Variants in CLVS1 observed in about 807,000 individuals in gnomAD.
CLVS1 encodes clavesin 1, also known as clavesin-1.
Under a neutral mutation model 33.1 loss-of-function variants are expected in CLVS1, and 10 were observed. The observed-to-expected ratio is 0.30, with a 90% confidence interval of 0.19 to 0.51. The LOEUF (loss-of-function observed/expected upper bound fraction) is 0.51, where lower values mean the gene tolerates loss of function less well. CLVS1 is among the 20% of genes least tolerant of loss of function. The pLI is 0.97. For synonymous variants in CLVS1, 163 were observed against 166.1 expected (o/e 0.98, Z 0.14); for missense variants, 343 against 433.4 (o/e 0.79, Z 1.85).
Position 61,398,983 on chromosome 8 carries a change from G to A in CLVS1, c.630+22204G>A, listed in dbSNP as rs775761713. Among the ~76,000 whole-genome samples, 12 of 152,188 alleles carry A rather than the reference G, an allele frequency of 7.9e-5. No homozygotes were observed. The South Asian group carries it at 8.3e-4, about 11-fold the overall frequency. On this transcript the variant is annotated intron_variant, in intron 3 of 5. Coordinates refer to ENST00000325897, the MANE Select transcript of CLVS1 (RefSeq NM_173519.3). ...GCATTTAGGTTGATTCCGTGTCTTT[G>A]CTATTGGGAATAGTGCTGCAGTGAA...
intron 5 of CLVS1, among the ~76,000 whole-genome samples, chr8:61,490,783 A>T (rs1026113743): frequency 1.3e-5 from 2 of 151,622 alleles, no homozygotes; most frequent in Admixed American, 6.6e-5. Flanking sequence ...ACATGGTGAA[A>T]CCCCGTCTCT....
chr8:61,001,696 T>A, the CLVS1 span, among the ~76,000 whole-genome samples: 1 of 152,376 alleles, frequency 6.6e-6, no homozygotes, highest in East Asian at 1.9e-4. Flanking sequence ...GCTTTCTGCA[T>A]CCTAATTCCT....
At chr8:61,103,071 C>T (rs745334475) in intron 1 of CLVS1, among the ~76,000 whole-genome samples, 38 of 151,932 alleles carry the variant, frequency 2.5e-4, no homozygotes, top group Non-Finnish European at 4.6e-4. Context: ...TTATGTAAGG[C>T]GGACAGCTTT....
chr8:61,071,243 G>C (rs558067281), intron 1 of CLVS1, among the ~76,000 whole-genome samples: 5 of 152,344 alleles, frequency 3.3e-5, no homozygotes, highest in South Asian at 2.1e-4. Flanking sequence ...CTGTAAGAAA[G>C]TATCTGACAG....
chr8:60,989,853 C>T, the CLVS1 span, among the ~76,000 whole-genome samples: 6 of 151,926 alleles, frequency 3.9e-5, no homozygotes, highest in Non-Finnish European at 7.4e-5. Context: ...AGGCTGGGTG[C>T]GGTGACTCAT....
Position 61,121,424 on chromosome 8 carries a change from T to C in CLVS1, c.-242-10346T>C, listed in dbSNP as rs371466764. 2.6e-4 allele frequency among the ~76,000 whole-genome samples: 39 copies of C among 152,312 alleles called. No individual in the cohort carries two copies. The East Asian group carries it at 7.3e-3, about 29-fold the overall frequency. On this transcript the variant is annotated intron_variant, in intron 1 of 2. Coordinates refer to the CLVS1 transcript ENST00000522621. ...CACCGGCAACTCTTATTTTTTCAAC[T>C]ATTGGATTTACTCTGTGTGTGTGTT... is the stretch of plus-strand genomic sequence containing the variant.
chr8:61,328,662 C>T (rs569551452), intron 2 of CLVS1, among the ~76,000 whole-genome samples: 22 of 152,282 alleles, frequency 1.4e-4, no homozygotes, highest in African/African-American at 5.3e-4. Flanking sequence ...CTTACAAGCC[C>T]TCTAGCATGC....
the CLVS1 span, among the ~76,000 whole-genome samples, chr8:61,045,985 T>C: frequency 1.3e-5 from 2 of 152,158 alleles, no homozygotes; most frequent in Non-Finnish European, 2.9e-5. Context: ...AGAAGCTCTT[T>C]AGTTTAATTA....
intron 2 of CLVS1, among the ~76,000 whole-genome samples, chr8:61,246,065 C>A (rs1442934172): frequency 6.6e-6 from 1 of 151,664 alleles, no homozygotes; most frequent in Non-Finnish European, 1.5e-5. Flanking sequence ...AGCTACTGCA[C>A]CCAGCACTGT....
At chr8:61,405,058 C>G (rs1022057419) in intron 3 of CLVS1, among the ~76,000 whole-genome samples, 1 of 152,180 alleles carries the variant, frequency 6.6e-6, no homozygotes. Context: ...CAACAATGCA[C>G]TGCTGAGTAT....
chr8:61,203,821 A>C (rs1807787910), intron 2 of CLVS1, among the ~76,000 whole-genome samples: 1 of 152,172 alleles, frequency 6.6e-6, no homozygotes, highest in Non-Finnish European at 1.5e-5. Context: ...ATCTCATATG[A>C]GAAGTTTAAT....
intron 2 of CLVS1, among the ~76,000 whole-genome samples, chr8:61,207,448 G>C (rs1807879064): frequency 9.0e-6 from 1 of 110,888 alleles, no homozygotes; most frequent in African/African-American, 4.1e-5. Context: ...GAAGTGCAGA[G>C]GTGACCCCAG....
chr8:61,217,468 A>G (rs924893211), intron 2 of CLVS1, among the ~76,000 whole-genome samples: 6 of 152,216 alleles, frequency 3.9e-5, no homozygotes, highest in East Asian at 3.8e-4. Flanking sequence ...TCAACTTGCC[A>G]TTTAGCTCCT....
chr8:61,174,907 T>G (rs1225733026), intron 2 of CLVS1, among the ~76,000 whole-genome samples: 2 of 152,150 alleles, frequency 1.3e-5, no homozygotes, highest in Non-Finnish European at 2.9e-5. Flanking sequence ...GGTCAAAAGG[T>G]CTTCTATTTT....
the CLVS1 span, among the ~76,000 whole-genome samples, chr8:61,029,543 A>T: frequency 6.6e-6 from 1 of 152,066 alleles, no homozygotes; most frequent in African/African-American, 2.4e-5. Flanking sequence ...GGACCTGCTA[A>T]CAGGGAGCCC....
At chr8:61,032,992 GGAAAGAA>G in the CLVS1 span, among the ~76,000 whole-genome samples, 1 of 44,804 alleles carries the variant, frequency 2.2e-5, no homozygotes, top group Non-Finnish European at 4.3e-5. Context: ...AAGGAAGGAA[GGAAAGAA>G]AGAAAGAAAG....
intron 3 of CLVS1, among the ~76,000 whole-genome samples, chr8:61,387,998 G>C (rs952635107): frequency 1.3e-5 from 2 of 152,122 alleles, no homozygotes; most frequent in Non-Finnish European, 2.9e-5. Flanking sequence ...ACCGAGGAGG[G>C]GGATTGCTGG....
At chr8:61,082,440 C>T (rs1335684414) in intron 1 of CLVS1, among the ~76,000 whole-genome samples, 2 of 152,116 alleles carry the variant, frequency 1.3e-5, no homozygotes, top group African/African-American at 2.4e-5. Context: ...CAGATCCAGG[C>T]AGCTCAGAGA....
In CLVS1 at chr8:61,367,581, G is replaced by A. The variant is rs1215509914; in HGVS notation, c.456-9024G>A. Among the ~76,000 whole-genome samples, 4 of 152,184 alleles carry A rather than the reference G, an allele frequency of 2.6e-5. No individual in the cohort carries two copies. In the East Asian group the frequency reaches 5.8e-4, roughly 22 times the overall value. On this transcript the variant is annotated intron_variant, in intron 2 of 5. Transcript: ENST00000325897. ...ATGTCATATTTACTCAGGTAATAAT[G>A]AGACTACCATGACCATCAGCACTTT...
Sources: allele counts gnomAD v4.1 joint callset (sites outside exome capture counted in the v4.1 genomes callset), GRCh38; gene constraint gnomAD v4.1.1; transcripts MANE v1.5; gene names NCBI Gene and HGNC (gene_info 2026-07-23, HGNC 2026-07-21).